The following FUBP1 variants were observed in gnomAD, a reference collection of about 807,000 sequenced individuals.
FUBP1 encodes far upstream element binding protein 1.
A neutral mutation model predicts 94.9 loss-of-function variants in FUBP1; 16 were observed. The observed-to-expected ratio is 0.17, with a 90% CI of 0.11 to 0.26. FUBP1 has a LOEUF of 0.26. Among genes scored for constraint, FUBP1 ranks in the 10% least tolerant of loss-of-function variants. The pLI, the probability that FUBP1 is intolerant of heterozygous loss-of-function variation, is 1.00. For synonymous variants in FUBP1, 279 were observed against 254.9 expected (o/e 1.09, Z -0.90); for missense variants, 583 against 808.6 (o/e 0.72, Z 3.38).
intron 16 of FUBP1, among the ~76,000 whole-genome samples, chr1:77,959,707 A>G (rs1030777413): frequency 6.6e-6 from 1 of 152,100 alleles, no homozygotes; most frequent in Non-Finnish European, 1.5e-5. Flanking sequence ...AATTTAAAAC[A>G]AATTTTTTTA....
intron 18 of FUBP1, among the ~76,000 whole-genome samples, chr1:77,951,078 G>A (rs1653374996): frequency 6.6e-6 from 1 of 152,240 alleles, no homozygotes; most frequent in Non-Finnish European, 1.5e-5. Flanking sequence ...CTAAAAAACT[G>A]GTGTGACAAT....
chr1:77,951,582 C>T (rs1032671311), intron 18 of FUBP1, among the ~76,000 whole-genome samples: 3 of 152,166 alleles, frequency 2.0e-5, no homozygotes, highest in Non-Finnish European at 2.9e-5. Context: ...CTTGCTCTGT[C>T]ACCTAGGCCA....
chr1:77,963,060 T>C, intron 13 of FUBP1, 130 bp from the exon 14 acceptor site: 1 of 542,580 alleles, frequency 1.8e-6, no homozygotes, highest in Non-Finnish European at 3.2e-6. Context: ...GACAATATTG[T>C]ATTAAGATTT....
intron 1 of FUBP1, among the ~76,000 whole-genome samples, chr1:77,974,333 C>G (rs1191133258): frequency 1.3e-5 from 2 of 151,948 alleles, no homozygotes; most frequent in South Asian, 4.2e-4. Flanking sequence ...GGGGTTTCAC[C>G]GTGTTAGCCA....
chr1:77,944,135 T>C lies in FUBP1; in HGVS notation c.*4631A>G, dbSNP rs778189964. ...CAATCATGTGACCTTTTACATACAATGTCATTAAAGCAAACTCTAAACCAC... is the reference window on the plus strand; with the variant it reads ...CAATCATGTGACCTTTTACATACAACGTCATTAAAGCAAACTCTAAACCAC... On this transcript the variant is annotated 3_prime_UTR_variant, in exon 20 of 20. Coordinates refer to ENST00000370768, the MANE Select transcript of FUBP1 (RefSeq NM_003902.5). 5.2e-6 allele frequency: 1 copy of C among 191,084 alleles called. No homozygotes were observed. The highest frequency in any genetic ancestry group is 1.1e-5 in the Non-Finnish European group (1 of 91,070). 11.8% of individuals were successfully genotyped at this position (191,084 alleles called of 1,614,324 possible). A position where few individuals can be genotyped will look rare whatever the true frequency, so the allele number is the denominator to read the frequency against.
At chr1:77,977,785 T>C (rs909235554) in intron 1 of FUBP1, among the ~76,000 whole-genome samples, 1 of 152,246 alleles carries the variant, frequency 6.6e-6, no homozygotes, top group South Asian at 2.1e-4. Context: ...TGACTACTCC[T>C]AGTATTTCTG....
chr1:77,950,704 G>T (rs369780354), intron 18 of FUBP1, among the ~76,000 whole-genome samples: 7 of 151,820 alleles, frequency 4.6e-5, no homozygotes, highest in Non-Finnish European at 8.8e-5. Flanking sequence ...TTTGTAACTC[G>T]CTTGGCTTTG....
At chr1:77,975,387 T>C (rs1401232238) in intron 1 of FUBP1, among the ~76,000 whole-genome samples, 1 of 152,148 alleles carries the variant, frequency 6.6e-6, no homozygotes, top group East Asian at 1.9e-4. Context: ...TGCTCAAATG[T>C]TAGTTTTCAC....
chr1:77,953,397 C>T (rs60234511), intron 18 of FUBP1, among the ~76,000 whole-genome samples: 6 of 151,692 alleles, frequency 4.0e-5, no homozygotes, highest in Admixed American at 1.3e-4. Context: ...AGTATGAGGC[C>T]GGAGAATCGC....
chr1:77,959,016 T>G (rs538528654), intron 16 of FUBP1, among the ~76,000 whole-genome samples: 49 of 152,328 alleles, frequency 3.2e-4, no homozygotes, highest in Non-Finnish European at 6.0e-4. Context: ...ACCTATATCC[T>G]AGCACAACTC....
chr1:77,956,829 A>G (rs1654557084), intron 16 of FUBP1, 129 bp from the exon 17 acceptor site: 1 of 533,070 alleles, frequency 1.9e-6, no homozygotes, highest in Admixed American at 3.1e-5. Context: ...ACATTAAAAA[A>G]AGTATATGAA....
At chr1:77,975,956 A>T (rs1027557248) in intron 1 of FUBP1, among the ~76,000 whole-genome samples, 1 of 152,226 alleles carries the variant, frequency 6.6e-6, no homozygotes, top group African/African-American at 2.4e-5. Context: ...ATTACCAGGT[A>T]CGGACCAGGA....
intron 2 of FUBP1, 136 bp downstream of exon 2, chr1:77,969,788 TA>T (rs1486391319): frequency 2.4e-6 from 1 of 418,972 alleles, no homozygotes; most frequent in African/African-American, 2.1e-5. Context: ...TCCCCCCTTT[TA>T]GGCCAATATA....
intron 18 of FUBP1, among the ~76,000 whole-genome samples, chr1:77,954,207 C>G (rs768509952): frequency 1.3e-5 from 2 of 152,172 alleles, no homozygotes. Flanking sequence ...GCTGTCAGGG[C>G]ATGATTATTA....
At chr1:77,954,945 G>C (rs1038810483) in intron 18 of FUBP1, among the ~76,000 whole-genome samples, 1 of 152,096 alleles carries the variant, frequency 6.6e-6, no homozygotes, top group African/African-American at 2.4e-5. Flanking sequence ...ATTTTCGCCT[G>C]ACACATTAAA....
rs1019501679 is a variant in FUBP1 at position 77,946,452 on chromosome 1, C to T, written c.*2314G>A. 5.5e-5 allele frequency: 11 copies of T among 201,824 alleles called. No homozygotes were observed. The highest frequency in any genetic ancestry group is 1.0e-5 in the Non-Finnish European group (1 of 97,824). 12.5% of individuals were successfully genotyped at this position (201,824 alleles called of 1,614,324 possible). A position where few individuals can be genotyped will look rare whatever the true frequency, so the allele number is the denominator to read the frequency against. ...AGCAGTAGCAGATTGCCTTTGAATA[C>T]ACAACCACAAAAACCTCACAGGGAC... On this transcript the variant is annotated 3_prime_UTR_variant, in exon 20 of 20. Coordinates refer to ENST00000370768, the MANE Select transcript of FUBP1 (RefSeq NM_003902.5).
chr1:77,966,663 T>A, intron 7 of FUBP1, 31 bp downstream of exon 7: 1 of 1,083,464 alleles, frequency 9.2e-7, no homozygotes, highest in Middle Eastern at 2.3e-4. Context: ...TGTTGTTACT[T>A]AAGTAGATTT....
At chr1:77,969,073 T>C (rs772907035) in intron 2 of FUBP1, 140 of 1,269,274 alleles carry the variant, frequency 1.1e-4, no homozygotes, top group Non-Finnish European at 1.4e-4. Flanking sequence ...CTCGGACTTG[T>C]CCAAGAGCCA....
intron 16 of FUBP1, among the ~76,000 whole-genome samples, chr1:77,958,373 G>T (rs1654855173): frequency 6.6e-6 from 1 of 152,168 alleles, no homozygotes; most frequent in Admixed American, 6.5e-5. Flanking sequence ...TAAACTGTAG[G>T]ACTAGGACTG....
Sources: allele counts gnomAD v4.1 joint callset (sites outside exome capture counted in the v4.1 genomes callset), GRCh38; gene constraint gnomAD v4.1.1; transcripts MANE v1.5; gene names NCBI Gene and HGNC (gene_info 2026-07-23, HGNC 2026-07-21).